HAX1: variants seen among roughly 807,000 people sequenced by gnomAD.
HAX1 encodes HCLS1 associated protein X-1, also known as HCLS1-associated protein X-1.
Under a neutral mutation model 31.1 loss-of-function variants are expected in HAX1, and 27 were observed. The observed-to-expected ratio is 0.87, with a 90% confidence interval of 0.64 to 1.20. The LOEUF is 1.20. Ranked by LOEUF, HAX1 falls within the 50% of genes most tolerant of loss-of-function variation. HAX1 has a pLI of 0.00. For missense variants in HAX1, 357 were observed against 361.6 expected (o/e 0.99, Z 0.10); for synonymous variants, 114 against 124.1 (o/e 0.92, Z 0.54).
At chr1:154,273,211 C>A in intron 1 of HAX1, 125 bp from the exon 2 acceptor site, 1 of 1,025,834 alleles carries the variant, frequency 9.7e-7, no homozygotes, top group Non-Finnish European at 1.5e-6. Context: ...ATGTGGCAGC[C>A]AGTCCTCCGA....
rs567615888 is a variant in HAX1 at position 154,274,972 on chromosome 1, A to G, written c.527A>G (p.Asp176Gly). 8.1e-6 allele frequency: 13 copies of G among 1,611,494 alleles called. No individual in the cohort carries two copies. In the South Asian group the frequency reaches 1.4e-4, roughly 18 times the overall value. ...FHRFDDVWPM[D>G]PHPRTREDND... ...CAGTTTGATGATGTATGGCCTATGGACCCCCATCCTAGAACCAGAGAGGAC... is the reference window on the plus strand; with the variant it reads ...CAGTTTGATGATGTATGGCCTATGGGCCCCCATCCTAGAACCAGAGAGGAC... The change falls in exon 4 of 7, where the codon GAC becomes GGC. Residue 176 changes from aspartate to glycine, a missense_variant. Coordinates refer to ENST00000328703, the MANE Select transcript of HAX1 (RefSeq NM_006118.4).
intron 3 of HAX1, among the ~76,000 whole-genome samples, chr1:154,274,364 C>T (rs987269680): frequency 2.0e-5 from 3 of 152,162 alleles, no homozygotes; most frequent in Non-Finnish European, 2.9e-5. Context: ...TCTCCTGCCT[C>T]AGCCTCCTGA....
intron 1 of HAX1, 178 bp from the exon 2 acceptor site, chr1:154,273,158 A>C: frequency 1.5e-6 from 1 of 660,998 alleles, no homozygotes; most frequent in African/African-American, 1.8e-5. Flanking sequence ...ATTAAAAAAA[A>C]AAAAAAAAAA....
chr1:154,275,253 C>G lies in HAX1; in HGVS notation c.656C>G (p.Pro219Arg), dbSNP rs1558252361. The G allele has an allele frequency of 6.2e-7, 1 of 1,608,498 alleles. No individual in the cohort carries two copies. The highest frequency in any genetic ancestry group is 8.5e-7 in the Non-Finnish European group (1 of 1,174,842). The stretch of plus-strand genomic sequence containing the variant: ...ATCTCTGTGACCAAGATCACTAAAC[C>G]AGATGGGGTGAGTTGAAAGAAAGAG... The part of the protein sequence containing the change: ...KSISVTKITK[P>R]DGIVEERRTV... Residue 219 changes from proline (P) to arginine (R), a missense_variant, in exon 5 of 7, where the codon CCA (proline) becomes CGA (arginine). Physicochemically the swap from Pro to Arg is moderately radical, Grantham distance 103. Coordinates refer to ENST00000328703, the MANE Select transcript of HAX1 (RefSeq NM_006118.4).
Position 154,275,629 on chromosome 1 carries a change from A to G in HAX1, c.768A>G (p.Pro256=), listed in dbSNP as rs761421364. ...TTTCTTCCTTAGATCCAGAATCACC[A>G]AGACCTCCAGCCCTGGATGATGCCT... The part of the protein sequence containing the change: ...DSSPRGDPES[P]RPPALDDAFS... Residue 256 remains proline (P), a synonymous_variant, in exon 7 of 7, where the codon CCA becomes CCG. Transcript: ENST00000328703. 1 of 1,613,764 alleles carries G rather than the reference A, an allele frequency of 6.2e-7. No homozygotes were observed. The highest frequency in any genetic ancestry group is 1.3e-5 in the African/African-American group (1 of 75,026).
In HAX1 at chr1:154,275,467, T is replaced by A. The variant is rs1196857360; in HGVS notation, c.738T>A (p.Asp246Glu). 1 of 1,613,828 alleles carries A rather than the reference T, an allele frequency of 6.2e-7. No individual in the cohort carries two copies. Among genetic ancestry groups the A allele is most frequent in the Admixed American group, 1.7e-5 (1 of 60,008 alleles). ...TETTVTRHEADSSPRGDPESP... is the reference protein window; with the variant it reads ...TETTVTRHEAESSPRGDPESP... Reference sequence around the variant, plus strand: ...CTACAGTAACCCGACACGAAGCAGATAGCAGTCCTAGGGGTGGTAAGTTAA... The same window carrying A: ...CTACAGTAACCCGACACGAAGCAGAAAGCAGTCCTAGGGGTGGTAAGTTAA... Residue 246 changes from aspartate (D) to glutamate (E), a missense_variant, in exon 6 of 7, where the codon GAT becomes GAA. By Grantham distance (45) the Asp-to-Glu change is conservative. Transcript: ENST00000328703.
rs1398108109 is a variant in HAX1, at chr1:154,273,840, C to G, written c.383C>G (p.Ser128Ter). ...CGGGAGGGACAGACACTTCGGGACT[C>G]AATGCTTAAGTATCCAGATAGTCAC... is the stretch of plus-strand genomic sequence containing the variant. ...RLREGQTLRDSMLKYPDSHQP... is the reference protein window; with the variant it reads ...RLREGQTLRD Residue 128 changes from serine (S) to a stop codon, truncating the protein, a stop_gained, in exon 3 of 7, where the codon TCA (serine) becomes TGA (stop). Coordinates refer to ENST00000328703, the MANE Select transcript of HAX1 (RefSeq NM_006118.4). LOFTEE classifies it high-confidence loss of function. 1.2e-6 allele frequency: 2 copies of G among 1,614,072 alleles called. No homozygotes were observed. Among genetic ancestry groups the G allele is most frequent in the Non-Finnish European group, 1.7e-6 (2 of 1,179,958 alleles).
At position 154,272,652 on chromosome 1, in the gene HAX1, G is replaced by A; in HGVS notation, c.-72G>A. 1.3e-6 allele frequency: 2 copies of A among 1,484,150 alleles called. No homozygotes were observed. The highest frequency in any genetic ancestry group is 1.9e-6 in the Non-Finnish European group (2 of 1,064,242). The allele number at this position is 1,484,150 out of a possible 1,614,324, so 91.9% of individuals were successfully genotyped here. A position where few individuals can be genotyped will look rare whatever the true frequency, so the allele number is the denominator to read the frequency against. On this transcript the variant is annotated 5_prime_UTR_variant, in exon 1 of 7. Transcript: ENST00000328703. Reference sequence around the variant, plus strand: ...CTGACGCCTCGCTCAATTTCTCACAGGGCTGCGCAGGTTTCCCCCGTCTGC... The same window carrying A: ...CTGACGCCTCGCTCAATTTCTCACAAGGCTGCGCAGGTTTCCCCCGTCTGC...
rs780455003 is a variant in HAX1, at chr1:154,275,266, T to C, written c.663+6T>C. On this transcript the variant is annotated splice_donor_region_variant and intron_variant, in intron 5 of 6. Coordinates refer to ENST00000328703, the MANE Select transcript of HAX1 (RefSeq NM_006118.4). Reference sequence around the variant, plus strand: ...AGATCACTAAACCAGATGGGGTGAGTTGAAAGAAAGAGGTAAAGGAAAGTA... The same window carrying C: ...AGATCACTAAACCAGATGGGGTGAGCTGAAAGAAAGAGGTAAAGGAAAGTA... The C allele has an allele frequency of 6.3e-7, 1 of 1,599,762 alleles. No individual in the cohort carries two copies. The highest frequency in any genetic ancestry group is 1.1e-5 in the South Asian group (1 of 90,774).
At position 154,272,866 on chromosome 1, in the gene HAX1, C is replaced by T. The variant is rs1684822842; in HGVS notation, c.53+90C>T. On this transcript the variant is annotated intron_variant, in intron 1 of 6. Coordinates refer to ENST00000328703, the MANE Select transcript of HAX1 (RefSeq NM_006118.4). ...TATTTTTGGAAAAACATCCTCTGTCCCACTCCTTCAACTCCTGCAGAGAGG... is the reference window on the plus strand; with the variant it reads ...TATTTTTGGAAAAACATCCTCTGTCTCACTCCTTCAACTCCTGCAGAGAGG... 33 of 1,125,884 alleles carry T rather than the reference C, an allele frequency of 2.9e-5. No individual in the cohort carries two copies. The South Asian group carries it at 4.1e-4, about 14-fold the overall frequency. 69.7% of individuals were successfully genotyped at this position (1,125,884 alleles called of 1,614,324 possible).
chr1:154,273,512 A>C lies in HAX1; in HGVS notation c.230A>C (p.Asp77Ala). 1 of 1,614,166 alleles carries C rather than the reference A, an allele frequency of 6.2e-7. No homozygotes were observed. Among genetic ancestry groups the C allele is most frequent in the Non-Finnish European group, 8.5e-7 (1 of 1,180,022 alleles). ...FSPGGGIRFH[D>A]NFGFDDLVRD... ...CCAGGAGGAGGGATACGTTTCCACG[A>C]TAACTTCGGCTTTGATGACCTAGTA... The change falls in exon 2 of 7, where the codon GAT (aspartate) becomes GCT (alanine). Residue 77 changes from aspartate to alanine, a missense_variant. Coordinates refer to ENST00000328703, the MANE Select transcript of HAX1 (RefSeq NM_006118.4).
At chr1:154,273,237 C>T (rs980217420) in intron 1 of HAX1, 99 bp from the exon 2 acceptor site, 1 of 1,457,380 alleles carries the variant, frequency 6.9e-7, no homozygotes, top group African/African-American at 1.4e-5. Flanking sequence ...TCCCTAGCTT[C>T]CCAGACCCCT....
Position 154,273,329 on chromosome 1 carries a change from C to T in HAX1, c.54-7C>T, listed in dbSNP as rs1210978517. On this transcript the variant is annotated splice_region_variant and splice_polypyrimidine_tract_variant and intron_variant, in intron 1 of 6. Coordinates refer to ENST00000328703, the MANE Select transcript of HAX1 (RefSeq NM_006118.4). Reference sequence around the variant, plus strand: ...AATATTGGTGGCCAATCTGCCTCCACTCTCAGCCACAGAGATCCCTTTTTT... The same window carrying T: ...AATATTGGTGGCCAATCTGCCTCCATTCTCAGCCACAGAGATCCCTTTTTT... The T allele has an allele frequency of 6.2e-7, 1 of 1,613,928 alleles. No individual in the cohort carries two copies. The highest frequency in any genetic ancestry group is 8.5e-7 in the Non-Finnish European group (1 of 1,179,980).
rs1164413565 is a variant in HAX1, at chr1:154,273,826, GACACTTCGGGACTCA to G, written c.371_385del (p.Thr124_Ser128del). 6.2e-7 allele frequency: 1 copy of G among 1,614,150 alleles called. No individual in the cohort carries two copies. Among genetic ancestry groups the G allele is most frequent in the Admixed American group, 1.7e-5 (1 of 60,020 alleles). On this transcript the variant is annotated inframe_deletion, in exon 3 of 7. Coordinates refer to ENST00000328703, the MANE Select transcript of HAX1 (RefSeq NM_006118.4). ...CTGGTGAGAGACTACGGGAGGGACA[GACACTTCGGGACTCA>G]ATGCTTAAGTATCCAGATAGTCACC... is the stretch of plus-strand genomic sequence containing the variant.
intron 1 of HAX1, 54 bp downstream of exon 1, chr1:154,272,830 C>A: frequency 3.3e-6 from 5 of 1,494,704 alleles, no homozygotes; most frequent in Non-Finnish European, 4.7e-6. Flanking sequence ...GGGAGCTTGA[C>A]CCCTACGTCT....
At position 154,273,940 on chromosome 1, in the gene HAX1, C is replaced by A. The variant is rs1684880639; in HGVS notation, c.483C>A (p.Gly161=). The A allele has an allele frequency of 1.9e-6, 3 of 1,614,048 alleles. No homozygotes were observed. The highest frequency in any genetic ancestry group is 2.5e-6 in the Non-Finnish European group (3 of 1,179,930). Residue 161 remains glycine (G), a synonymous_variant, in exon 3 of 7, where the codon GGC becomes GGA. Transcript: ENST00000328703. ...SESPQPAPDW[G]SQRPFHRFDD... is the part of the protein sequence containing the mutation. ...CCCCCCAACCAGCACCAGACTGGGG[C>A]TCCCAGAGGCCATTTCATAGGGTGA...
intron 6 of HAX1, 24 bp downstream of exon 6, chr1:154,275,507 C>G: frequency 6.3e-7 from 1 of 1,595,828 alleles, no homozygotes; most frequent in Non-Finnish European, 8.6e-7. Flanking sequence ...CAAAGGGGTT[C>G]ATCTCAAGAT....
chr1:154,273,171 A>G (rs1684843744), intron 1 of HAX1, 165 bp from the exon 2 acceptor site: 1 of 678,618 alleles, frequency 1.5e-6, no homozygotes, highest in Admixed American at 2.8e-5. Flanking sequence ...AAAAAAAAAA[A>G]GAACTGTCAG....
chr1:154,273,996 G>A (rs763365701), intron 3 of HAX1, 35 bp downstream of exon 3: 3 of 1,571,026 alleles, frequency 1.9e-6, no homozygotes, highest in Middle Eastern at 1.7e-4. Context: ...GTGAGAGCTT[G>A]TGAGAGACCA....
Sources: allele counts gnomAD v4.1 joint callset (sites outside exome capture counted in the v4.1 genomes callset), GRCh38; gene constraint gnomAD v4.1.1; transcripts MANE v1.5; gene names NCBI Gene and HGNC (gene_info 2026-07-23, HGNC 2026-07-21).